Variants in RYR3 observed in about 807,000 individuals in gnomAD.
The protein encoded by RYR3 is brain ryanodine receptor-calcium release channel.
In RYR3, 207 loss-of-function variants were observed where a neutral mutation model predicts 584.3. The observed-to-expected ratio is 0.35, with a 90% confidence interval of 0.32 to 0.40. RYR3 has a LOEUF of 0.40. RYR3 is among the 10% of genes least tolerant of loss of function. The probability of loss-of-function intolerance (pLI) is 1.00; values close to 1 mark genes in which losing one functional copy is unlikely to be tolerated. For missense variants in RYR3, 5,616 were observed against 6,089.2 expected (o/e 0.92, Z 2.59); for synonymous variants, 2,416 against 2,248.5 (o/e 1.07, Z -2.11).
chr15:33,747,538 C>T (rs1312623036), intron 53 of RYR3, among the ~76,000 whole-genome samples: 1 of 150,246 alleles, frequency 6.7e-6, no homozygotes, highest in Non-Finnish European at 1.5e-5. Flanking sequence ...AATTCTTTTG[C>T]CTTAGCCTCC....
intron 98 of RYR3, 58 bp downstream of exon 98, chr15:33,854,970 ACAG>A: frequency 1.3e-6 from 2 of 1,502,550 alleles, no homozygotes; most frequent in Non-Finnish European, 1.8e-6. Context: ...GAAAAAAAGA[ACAG>A]CAGGTAGTAT....
At position 33,325,225 on chromosome 15, in the gene RYR3, C is replaced by G. The variant is rs1490631225; in HGVS notation, c.51+14129C>G. ...GTGCTTTTAAATCCTATAGTCTGTA[C>G]CAGATACAAACCAGTAACCACTCTA... On this transcript the variant is annotated intron_variant, in intron 1 of 103. Coordinates refer to ENST00000634891, the MANE Select transcript of RYR3 (RefSeq NM_001036.6). 2.0e-5 allele frequency among the ~76,000 whole-genome samples: 3 copies of G among 152,138 alleles called. No individual in the cohort carries two copies. The East Asian group carries it at 5.8e-4, about 29-fold the overall frequency.
At chr15:33,365,717 A>T (rs879334488) in intron 1 of RYR3, among the ~76,000 whole-genome samples, 4 of 152,246 alleles carry the variant, frequency 2.6e-5, no homozygotes, top group Non-Finnish European at 5.9e-5. Context: ...ATAAATAAGT[A>T]GTAACAATAA....
At chr15:33,478,358 T>C (rs1383847161) in intron 2 of RYR3, among the ~76,000 whole-genome samples, 3 of 152,190 alleles carry the variant, frequency 2.0e-5, no homozygotes, top group Non-Finnish European at 4.4e-5. Flanking sequence ...AGAGTCACCA[T>C]GGCTTAAAAG....
chr15:33,843,807 T>C (rs1023889348), intron 92 of RYR3, among the ~76,000 whole-genome samples: 17 of 152,238 alleles, frequency 1.1e-4, no homozygotes, highest in Non-Finnish European at 2.4e-4. Flanking sequence ...TTTTAGTCGT[T>C]GCTTAGTCTT....
chr15:33,518,413 G>A (rs965264802), intron 3 of RYR3, among the ~76,000 whole-genome samples: 4 of 151,898 alleles, frequency 2.6e-5, no homozygotes, highest in African/African-American at 4.8e-5. Context: ...TTGTGGAGTT[G>A]TTTTTTTTCA....
intron 1 of RYR3, among the ~76,000 whole-genome samples, chr15:33,470,094 A>G (rs1388941516): frequency 6.6e-6 from 1 of 152,208 alleles, no homozygotes; most frequent in African/African-American, 2.4e-5. Context: ...TACTTGGTAT[A>G]AAGCAGGAAA....
At chr15:33,593,526 G>T (rs2059234906) in intron 16 of RYR3, among the ~76,000 whole-genome samples, 1 of 152,140 alleles carries the variant, frequency 6.6e-6, no homozygotes, top group Non-Finnish European at 1.5e-5. Flanking sequence ...TTAGTAGGCA[G>T]GTATGAAAGT....
intron 58 of RYR3, among the ~76,000 whole-genome samples, 151 bp downstream of exon 58, chr15:33,755,331 A>C (rs1172253924): frequency 1.3e-5 from 2 of 152,150 alleles, no homozygotes; most frequent in East Asian, 3.9e-4. Flanking sequence ...CTTAAAAAAA[A>C]TCAATCCGGC....
chr15:33,648,720 CA>C (rs906388857), intron 30 of RYR3, among the ~76,000 whole-genome samples: 1 of 152,242 alleles, frequency 6.6e-6, no homozygotes, highest in African/African-American at 2.4e-5. Flanking sequence ...CCCTGGTGCC[CA>C]GGAGAGGGTT....
chr15:33,823,718 C>T (rs1008393734), intron 81 of RYR3, among the ~76,000 whole-genome samples: 8 of 152,086 alleles, frequency 5.3e-5, no homozygotes, highest in Non-Finnish European at 1.2e-4. Context: ...AGTCATAGGT[C>T]ATGATACTTG....
At position 33,837,675 on chromosome 15, in the gene RYR3, C is replaced by T. The variant is rs377282056; in HGVS notation, c.11695C>T (p.Leu3899=). The change falls in exon 89 of 104, where the codon CTG becomes TTG. Residue 3899 remains leucine, a synonymous_variant. Coordinates refer to ENST00000634891, the MANE Select transcript of RYR3 (RefSeq NM_001036.6). The part of the protein sequence containing the change: ...GTIGKQMVDT[L]VESSTNVEMI... ...CATTGGCAAGCAGATGGTTGACACA[C>T]TGGTAGAATCATCTACCAATGTAGA... The T allele has an allele frequency of 1.6e-5, 25 of 1,604,664 alleles. No homozygotes were observed. In the African/African-American group the frequency reaches 2.1e-4, roughly 14 times the overall value.
At position 33,484,205 on chromosome 15, in the gene RYR3, A is replaced by G. The variant is rs4589523; in HGVS notation, c.171+10667A>G. ...AGAAAAAAAAAATGACGGTTGAAGTAGAATTGAAGTCTTATAAAGAAAAAG... is the reference window on the plus strand; with the variant it reads ...AGAAAAAAAAAATGACGGTTGAAGTGGAATTGAAGTCTTATAAAGAAAAAG... On this transcript the variant is annotated intron_variant, in intron 2 of 103. Transcript: ENST00000634891. Among the ~76,000 whole-genome samples the G allele has an allele frequency of 1.8e-3, 269 of 152,250 alleles. 5 individuals carry two copies. The East Asian group carries it at 0.04, about 23-fold the overall frequency.
chr15:33,606,763 A>G (rs2059927752), intron 18 of RYR3, among the ~76,000 whole-genome samples: 3 of 152,130 alleles, frequency 2.0e-5, no homozygotes, highest in African/African-American at 7.2e-5. Flanking sequence ...AGAGCAGCCT[A>G]CACAGTATGT....
At chr15:33,392,218 G>A (rs1453426505) in intron 1 of RYR3, among the ~76,000 whole-genome samples, 2 of 148,260 alleles carry the variant, frequency 1.3e-5, no homozygotes, top group Non-Finnish European at 3.0e-5. Flanking sequence ...AAAAAAAATC[G>A]AAGTCAAATA....
intron 1 of RYR3, among the ~76,000 whole-genome samples, chr15:33,404,638 CTT>C (rs955164501): frequency 2.0e-4 from 30 of 149,570 alleles, no homozygotes; most frequent in South Asian, 4.2e-4. Flanking sequence ...GCTTCAGTCA[CTT>C]TTCAAAGTAT....
intron 50 of RYR3, 78 bp downstream of exon 50, chr15:33,738,668 T>TTA: frequency 6.6e-7 from 1 of 1,511,484 alleles, no homozygotes; most frequent in Non-Finnish European, 9.1e-7. Flanking sequence ...CCGTCATCTG[T>TTA]TTAGCATTCC....
At chr15:33,449,752 A>T (rs1176083100) in intron 1 of RYR3, among the ~76,000 whole-genome samples, 1 of 152,174 alleles carries the variant, frequency 6.6e-6, no homozygotes, top group East Asian at 1.9e-4. Flanking sequence ...AAGTTTTGGC[A>T]AGGTGTATAG....
chr15:33,418,511 T>C (rs1306431786), intron 1 of RYR3, among the ~76,000 whole-genome samples: 1 of 151,632 alleles, frequency 6.6e-6, no homozygotes, highest in African/African-American at 2.4e-5. Flanking sequence ...ACAGAGTGGG[T>C]TTCAGCAAGA....
Sources: gnomAD v4.1 joint callset for allele counts (sites outside exome capture counted in the v4.1 genomes callset) on GRCh38, gnomAD v4.1.1 for gene constraint, MANE v1.5 for transcripts, NCBI Gene and HGNC (gene_info 2026-07-23, HGNC 2026-07-21) for gene names.